Variants in SDAD1 observed in about 807,000 individuals in gnomAD.
SDAD1 encodes SDA1 domain containing 1.
Under a neutral mutation model 100.3 loss-of-function variants are expected in SDAD1, and 79 were observed. The observed-to-expected ratio is 0.79, with a 90% confidence interval of 0.66 to 0.95. The LOEUF is 0.95. SDAD1 is among the 40% of genes least tolerant of loss of function. The pLI is 0.00. For missense variants in SDAD1, 790 were observed against 810.9 expected (o/e 0.97, Z 0.31); for synonymous variants, 267 against 271.4 (o/e 0.98, Z 0.16).
Position 75,957,647 on chromosome 4 carries a change from G to A in SDAD1, c.1640C>T (p.Thr547Ile), listed in dbSNP as rs1350793096. 1.9e-6 allele frequency: 3 copies of A among 1,614,178 alleles called. No homozygotes were observed. Among genetic ancestry groups the A allele is most frequent in the Non-Finnish European group, 2.5e-6 (3 of 1,180,034 alleles). Reference protein sequence around the residue: ...ERKAKAAAISTSRVLTQEDFQ... With the variant: ...ERKAKAAAISISRVLTQEDFQ... ...GTCTTCCTGAGTTAAAACTCGGCTA[G>A]TGCTGATGGCTGCAGCTTTGGCCTT... Residue 547 changes from threonine (T) to isoleucine (I), a missense_variant, in exon 19 of 22, where the codon ACT becomes ATT. Transcript: ENST00000356260.
chr4:75,983,562 C>T (rs1223127425), intron 1 of SDAD1, among the ~76,000 whole-genome samples: 1 of 152,012 alleles, frequency 6.6e-6, no homozygotes, highest in African/African-American at 2.4e-5. Flanking sequence ...AGCTTTTTTT[C>T]ACTGTTTGTT....
intron 10 of SDAD1, among the ~76,000 whole-genome samples, chr4:75,969,766 G>C (rs1420985563): frequency 6.6e-6 from 1 of 152,156 alleles, no homozygotes; most frequent in African/African-American, 2.4e-5. Context: ...GAGAAACACT[G>C]ATCTAGAGCA....
At chr4:75,960,949 C>T (rs1180833269) in intron 16 of SDAD1, 79 bp downstream of exon 16, 6 of 1,168,718 alleles carry the variant, frequency 5.1e-6, no homozygotes, top group Non-Finnish European at 5.1e-6. Flanking sequence ...ATCATAAGTA[C>T]TAAAATCCTA....
chr4:75,959,097 C>CAAAAAAAAAAAA (rs61245198), intron 17 of SDAD1, among the ~76,000 whole-genome samples: 9 of 54,978 alleles, frequency 1.6e-4, no homozygotes, highest in Non-Finnish European at 2.1e-4. Context: ...GACTCTGTCT[C>CAAAAAAAAAAAA]AAAAAAAAAA....
intron 6 of SDAD1, 35 bp downstream of exon 6, chr4:75,975,709 G>T: frequency 7.1e-7 from 1 of 1,409,768 alleles, no homozygotes; most frequent in Non-Finnish European, 1.0e-6. Context: ...TGAAAAAAGA[G>T]TCTACTTCTC....
At chr4:75,964,112 G>A (rs993788184) in intron 14 of SDAD1, 23 bp downstream of exon 14, 7 of 1,518,258 alleles carry the variant, frequency 4.6e-6, no homozygotes, top group Non-Finnish European at 6.4e-6. Context: ...TGTATCTTCT[G>A]CCTCCAACCA....
At chr4:75,958,718 CT>C (rs1729046636) in intron 17 of SDAD1, among the ~76,000 whole-genome samples, 1 of 151,684 alleles carries the variant, frequency 6.6e-6, no homozygotes, top group Non-Finnish European at 1.5e-5. Flanking sequence ...TTTGCTCACA[CT>C]TTGCCTGGAA....
Position 75,949,936 on chromosome 4 carries a change from T to TA in SDAD1, c.*813dup, listed in dbSNP as rs1435596348. ...TACGTATTTGGCATTAGAAACCTTTTATTGAGACAAGGTAAACAGTGGGCT... is the reference window on the plus strand; with the variant it reads ...TACGTATTTGGCATTAGAAACCTTTTAATTGAGACAAGGTAAACAGTGGGCT... On this transcript the variant is annotated 3_prime_UTR_variant, in exon 22 of 22. Coordinates refer to ENST00000356260, the MANE Select transcript of SDAD1 (RefSeq NM_018115.4). 6.6e-6 allele frequency: 1 copy of TA among 152,452 alleles called. No homozygotes were observed. Among genetic ancestry groups the TA allele is most frequent in the Non-Finnish European group, 1.5e-5 (1 of 68,034 alleles). The allele number at this position is 152,452 out of a possible 1,614,324, so 9.4% of individuals were successfully genotyped here. A position where few individuals can be genotyped will look rare whatever the true frequency, so the allele number is the denominator to read the frequency against.
chr4:75,961,574 TAAG>T (rs993700508), intron 14 of SDAD1, among the ~76,000 whole-genome samples: 1 of 151,732 alleles, frequency 6.6e-6, no homozygotes, highest in East Asian at 1.9e-4. Context: ...TTGCCAACTC[TAAG>T]AAGAGATGGG....
At chr4:75,956,421 TG>T (rs1161522530) in intron 20 of SDAD1, among the ~76,000 whole-genome samples, 1,570 of 124,454 alleles carry the variant, frequency 0.013, 13 homozygotes, top group Middle Eastern at 0.042. Context: ...TTTTTTTTTT[TG>T]CAGGATGAAG....
At chr4:75,961,526 G>A (rs1316805046) in intron 14 of SDAD1, among the ~76,000 whole-genome samples, 1 of 152,050 alleles carries the variant, frequency 6.6e-6, no homozygotes, top group African/African-American at 2.4e-5. Flanking sequence ...GTGGAATAAG[G>A]AACAGTGTCC....
chr4:75,957,899 T>C lies in SDAD1; in HGVS notation c.1526A>G (p.Asp509Gly), dbSNP rs767840659. The part of the protein sequence containing the change: ...STSLSEEEDA[D>G]GEWIDVQHSS... Reference sequence around the variant, plus strand: ...GTGTTGCACATCAATCCATTCACCATCAGCATCCTCCTCCTCACTGAGACT... The same window carrying C: ...GTGTTGCACATCAATCCATTCACCACCAGCATCCTCCTCCTCACTGAGACT... The change falls in exon 18 of 22, where the codon GAT (aspartate) becomes GGT (glycine). Residue 509 changes from aspartate (D) to glycine (G), a missense_variant. Transcript: ENST00000356260. 3.5e-5 allele frequency: 56 copies of C among 1,613,222 alleles called. 1 individual carries two copies. In the Admixed American group the frequency reaches 7.2e-4, roughly 21 times the overall value.
chr4:75,990,406 G>A (rs1443232125), intron 1 of SDAD1, among the ~76,000 whole-genome samples: 9 of 152,022 alleles, frequency 5.9e-5, no homozygotes, highest in Admixed American at 3.9e-4. Context: ...TTTCTGAAAA[G>A]AGGCTGAGAA....
intron 13 of SDAD1, among the ~76,000 whole-genome samples, chr4:75,965,039 G>A (rs1031535700): frequency 2.0e-4 from 30 of 152,148 alleles, no homozygotes; most frequent in African/African-American, 7.2e-4. Flanking sequence ...ATTAGGTCTG[G>A]CTGCCTGAGA....
intron 6 of SDAD1, among the ~76,000 whole-genome samples, chr4:75,974,957 G>A (rs1238188633): frequency 1.3e-5 from 2 of 151,438 alleles, no homozygotes; most frequent in African/African-American, 4.9e-5. Context: ...CAGGGGAATC[G>A]CTGGAACCCA....
Position 75,957,676 on chromosome 4 carries a change from C to T in SDAD1, c.1611G>A (p.Glu537=). Residue 537 remains glutamate (E), a synonymous_variant, in exon 19 of 22, where the codon GAG becomes GAA. Coordinates refer to ENST00000356260, the MANE Select transcript of SDAD1 (RefSeq NM_018115.4). ...SKKLNSMPME[E]RKAKAAAIST... is the part of the protein sequence containing the mutation. ...TGATGGCTGCAGCTTTGGCCTTCCG[C>T]TCCTCCATGGGCATGCTGTTCAGCT... is the stretch of plus-strand genomic sequence containing the variant. The T allele has an allele frequency of 6.2e-7, 1 of 1,614,198 alleles. No homozygotes were observed. Among genetic ancestry groups the T allele is most frequent in the Non-Finnish European group, 8.5e-7 (1 of 1,180,036 alleles).
At chr4:75,977,541 T>C in intron 4 of SDAD1, 105 bp downstream of exon 4, 1 of 773,642 alleles carries the variant, frequency 1.3e-6, no homozygotes, top group Non-Finnish European at 2.2e-6. Context: ...TGCTTTTTCC[T>C]GTTAAAGTTA....
At chr4:75,985,743 T>C (rs1053598020) in intron 1 of SDAD1, among the ~76,000 whole-genome samples, 1 of 152,204 alleles carries the variant, frequency 6.6e-6, no homozygotes, top group Non-Finnish European at 1.5e-5. Flanking sequence ...GGTCACACCC[T>C]AAATGTTGTC....
At chr4:75,985,195 C>A (rs562108060) in intron 1 of SDAD1, among the ~76,000 whole-genome samples, 10 of 152,228 alleles carry the variant, frequency 6.6e-5, no homozygotes, top group African/African-American at 2.4e-4. Context: ...GCATCAGTCA[C>A]CACAAGAGCC....
Sources: allele counts gnomAD v4.1 joint callset (sites outside exome capture counted in the v4.1 genomes callset), GRCh38; gene constraint gnomAD v4.1.1; transcripts MANE v1.5; gene names NCBI Gene and HGNC (gene_info 2026-07-23, HGNC 2026-07-21).